Variants in ZNF454 observed in about 807,000 individuals in gnomAD.
The protein encoded by ZNF454 is zinc finger protein 454.
Under a neutral mutation model 48.2 loss-of-function variants are expected in ZNF454, and 30 were observed. That is an observed-to-expected ratio of 0.62 (90% confidence interval 0.47 to 0.84). The LOEUF (loss-of-function observed/expected upper bound fraction) is 0.84, where lower values mean the gene tolerates loss of function less well. ZNF454 is among the 40% of genes least tolerant of loss of function. ZNF454 has a pLI of 0.00. For synonymous variants in ZNF454, 204 were observed against 211.4 expected (o/e 0.97, Z 0.30); for missense variants, 510 against 623.1 (o/e 0.82, Z 1.93).
the ZNF454 span, among the ~76,000 whole-genome samples, chr5:178,984,409 A>G: frequency 2.6e-5 from 4 of 152,196 alleles, no homozygotes; most frequent in Non-Finnish European, 5.9e-5. Flanking sequence ...GTGCAGGCGA[A>G]TTGAAGCCAC....
At chr5:178,988,635 G>A in the ZNF454 span, among the ~76,000 whole-genome samples, 3 of 152,332 alleles carry the variant, frequency 2.0e-5, no homozygotes, top group African/African-American at 4.8e-5. This position sits in a 1 kb window ranked among gnomAD's most constrained non-coding sequence, Gnocchi z 6.0. Flanking sequence ...CTCAAGCTCT[G>A]CGCAGTGGAG....
the ZNF454 span, among the ~76,000 whole-genome samples, chr5:178,974,359 G>A: frequency 1.3e-4 from 19 of 151,994 alleles, no homozygotes; most frequent in South Asian, 1.5e-3. Context: ...TCGCTGTGTC[G>A]CCAGGCTGGA....
chr5:178,948,522 A>G, intron 4 of ZNF454, among the ~76,000 whole-genome samples: 1 of 152,128 alleles, frequency 6.6e-6, no homozygotes, highest in Non-Finnish European at 1.5e-5. Flanking sequence ...GGTGAAGAGG[A>G]CTTTTGTGCC....
the ZNF454 span, among the ~76,000 whole-genome samples, chr5:178,984,644 G>C: frequency 9.2e-5 from 14 of 152,126 alleles, no homozygotes; most frequent in Non-Finnish European, 4.4e-5. Context: ...CCGGGACGTA[G>C]AGGGCACCTT....
At chr5:178,950,064 G>T (rs1482241873) in intron 4 of ZNF454, among the ~76,000 whole-genome samples, 2 of 151,726 alleles carry the variant, frequency 1.3e-5, no homozygotes, top group African/African-American at 4.8e-5. Context: ...GTGGAGACAA[G>T]GTCTCACTAT....
At chr5:178,973,078 A>G in the ZNF454 span, among the ~76,000 whole-genome samples, 2 of 122,100 alleles carry the variant, frequency 1.6e-5, no homozygotes, top group Non-Finnish European at 3.4e-5. Context: ...TTCCCTCCCT[A>G]CCTCCCTCCC....
At chr5:178,985,530 T>G in the ZNF454 span, 1 of 337,380 alleles carries the variant, frequency 3.0e-6, no homozygotes, top group South Asian at 2.3e-5. Context: ...GGTGAAGCCC[T>G]GTCTCTACTA....
At chr5:178,948,784 T>G (rs1006473880) in intron 4 of ZNF454, among the ~76,000 whole-genome samples, 1 of 150,730 alleles carries the variant, frequency 6.6e-6, no homozygotes, top group African/African-American at 2.4e-5. Context: ...TATGTAGATC[T>G]AATTTATGTA....
chr5:178,981,169 GCC>G, the ZNF454 span: 1 of 174,484 alleles, frequency 5.7e-6, no homozygotes, highest in Admixed American at 5.5e-5. The surrounding 1 kb of genome is among the most constrained non-coding windows in gnomAD (Gnocchi z 5.1). Context: ...AGGCCTGAGT[GCC>G]TCCATCCAGA....
In ZNF454 at chr5:178,965,913, A is replaced by C; in HGVS notation, c.1509A>C (p.Lys503Asn). The change falls in exon 5 of 5, where the codon AAA becomes AAC. Residue 503 changes from lysine to asparagine, a missense_variant. Lys to Asn is a moderately conservative substitution (Grantham distance 94). Transcript: ENST00000519564. The surrounding 1 kb of genome is among the most constrained non-coding windows in gnomAD (Gnocchi z 5.2). ...CCTATAAATGTAATAAATGTGGGAAAGCTTTTAACCAGACTGCAAACCTCA... is the reference window on the plus strand; with the variant it reads ...CCTATAAATGTAATAAATGTGGGAACGCTTTTAACCAGACTGCAAACCTCA... ...EKPYKCNKCG[K>N]AFNQTANLIQ... The C allele has an allele frequency of 6.2e-7, 1 of 1,609,618 alleles. No homozygotes were observed. The highest frequency in any genetic ancestry group is 8.5e-7 in the Non-Finnish European group (1 of 1,178,432).
intron 4 of ZNF454, among the ~76,000 whole-genome samples, chr5:178,949,360 T>C (rs1018247134): frequency 6.6e-6 from 1 of 151,908 alleles, no homozygotes; most frequent in African/African-American, 2.4e-5. Flanking sequence ...TCTTTTTTTT[T>C]AGTAGTTTGC....
intron 4 of ZNF454, among the ~76,000 whole-genome samples, chr5:178,954,779 CT>C (rs1242178143): frequency 6.6e-6 from 1 of 152,238 alleles, no homozygotes; most frequent in African/African-American, 2.4e-5. Flanking sequence ...GCGAGTACCC[CT>C]CTCCAGGATT....
chr5:178,982,701 A>AG, the ZNF454 span: 2 of 540,382 alleles, frequency 3.7e-6, no homozygotes, highest in Admixed American at 6.6e-5. Flanking sequence ...ATAAAAAAAA[A>AG]AAAGAAAAAA....
chr5:178,958,166 C>T, intron 4 of ZNF454, among the ~76,000 whole-genome samples: 1 of 151,884 alleles, frequency 6.6e-6, no homozygotes, highest in African/African-American at 2.4e-5. Context: ...CATAAATGTC[C>T]AACTCAGTGA....
intron 4 of ZNF454, among the ~76,000 whole-genome samples, chr5:178,957,949 T>C (rs1759845065): frequency 6.6e-6 from 1 of 152,218 alleles, no homozygotes; most frequent in African/African-American, 2.4e-5. Flanking sequence ...TCATGTATTC[T>C]CTTATACATA....
intron 4 of ZNF454, among the ~76,000 whole-genome samples, chr5:178,960,019 G>A (rs1411425652): frequency 1.3e-5 from 2 of 149,710 alleles, no homozygotes; most frequent in Non-Finnish European, 3.0e-5. Flanking sequence ...TGTGATCATT[G>A]TTCATGGCAA....
At chr5:178,961,266 CTATG>C (rs1459121265) in intron 4 of ZNF454, among the ~76,000 whole-genome samples, 1 of 151,564 alleles carries the variant, frequency 6.6e-6, no homozygotes, top group Non-Finnish European at 1.5e-5. Flanking sequence ...AGGTAAGTTA[CTATG>C]TATGGGATTT....
the ZNF454 span, among the ~76,000 whole-genome samples, chr5:178,972,664 G>A: frequency 6.6e-6 from 1 of 152,200 alleles, no homozygotes; most frequent in Non-Finnish European, 1.5e-5. Flanking sequence ...CCCCAGGCCC[G>A]ACGCAGCTGA....
chr5:178,942,908 T>C, intron 2 of ZNF454, 84 bp downstream of exon 2: 1 of 1,505,730 alleles, frequency 6.6e-7, no homozygotes, highest in Non-Finnish European at 9.0e-7. Flanking sequence ...GGAGCTTTAT[T>C]CCCAATCCAG....
Sources: gnomAD v4.1 joint callset for allele counts (sites outside exome capture counted in the v4.1 genomes callset) on GRCh38, gnomAD v4.1.1 for gene constraint, Gnocchi (gnomAD v3.1) non-coding constraint, MANE v1.5 for transcripts, NCBI Gene and HGNC (gene_info 2026-07-23, HGNC 2026-07-21) for gene names.